The following EGFL6 variants were observed in gnomAD, a reference collection of about 807,000 sequenced individuals.
The protein encoded by EGFL6 is epidermal growth factor-like protein 6.
Under a neutral mutation model 43.1 loss-of-function variants are expected in EGFL6, and 42 were observed. That is an observed-to-expected ratio of 0.98 (90% CI 0.76 to 1.26). EGFL6 has a LOEUF of 1.26. Ranked by LOEUF, EGFL6 falls within the 50% of genes most tolerant of loss-of-function variation. EGFL6 has a pLI of 0.00. For missense variants in EGFL6, 429 were observed against 427.8 expected (o/e 1.00, Z -0.02); for synonymous variants, 164 against 163.2 (o/e 1.01, Z -0.04).
intron 10 of EGFL6, among the ~76,000 whole-genome samples, chrX:13,625,885 CAAAA>C (rs755901799): frequency 3.2e-5 from 1 of 30,904 alleles, no homozygotes; most frequent in Non-Finnish European, 6.2e-5. Context: ...GACCCTGCCT[CAAAA>C]AAAAAAAAAA....
chrX:13,590,484 T>C (rs770948700), intron 2 of EGFL6: 1 of 112,250 alleles, frequency 8.9e-6, no homozygotes, highest in Non-Finnish European at 1.9e-5. Context: ...AGGTAGCATG[T>C]GCCTCATCCT....
chrX:13,594,306 GA>G (rs1428540656), intron 2 of EGFL6, among the ~76,000 whole-genome samples: 1 of 111,604 alleles, frequency 9.0e-6, no homozygotes, highest in Non-Finnish European at 1.9e-5. Context: ...GAATAAAATA[GA>G]AAAACAAATC....
chrX:13,572,929 T>G (rs899749266), intron 1 of EGFL6, among the ~76,000 whole-genome samples: 10 of 112,537 alleles, frequency 8.9e-5, no homozygotes, highest in African/African-American at 2.3e-4. Flanking sequence ...TGGTTTCTTC[T>G]GGAGGCTCCA....
intron 1 of EGFL6, 88 bp downstream of exon 1, chrX:13,570,023 T>G: frequency 1.2e-6 from 1 of 863,190 alleles, no homozygotes; most frequent in Non-Finnish European, 1.7e-6. Context: ...CACCCCCGCG[T>G]GTATGGGTGT....
intron 3 of EGFL6, among the ~76,000 whole-genome samples, chrX:13,597,656 T>C (rs774086692): frequency 1.8e-5 from 2 of 111,226 alleles, no homozygotes; most frequent in African/African-American, 6.5e-5. Flanking sequence ...TGGTGGCGAA[T>C]GCCTGTAATC....
At chrX:13,629,386 C>T in intron 11 of EGFL6, among the ~76,000 whole-genome samples, 1 of 111,355 alleles carries the variant, frequency 9.0e-6, no homozygotes, top group South Asian at 3.8e-4. Flanking sequence ...AACATGGTAG[C>T]TTGCAGGGAG....
chrX:13,627,564 G>A (rs1023159011), intron 11 of EGFL6, among the ~76,000 whole-genome samples: 2 of 111,989 alleles, frequency 1.8e-5, no homozygotes, highest in African/African-American at 6.5e-5. Flanking sequence ...TATACATTCC[G>A]TAGTATGTAA....
intron 7 of EGFL6, among the ~76,000 whole-genome samples, chrX:13,611,632 T>A (rs1366815218): frequency 8.9e-6 from 1 of 112,683 alleles, no homozygotes; most frequent in Non-Finnish European, 1.9e-5. Context: ...GTTTTCTATA[T>A]TGTAACTCAG....
rs35293457 is a variant in EGFL6 at position 13,613,157 on chromosome X, C to CATATATATATATATATAT, written c.779-4568_779-4551dup. Among the ~76,000 whole-genome samples the CATATATATATATATATAT allele has an allele frequency of 4.1e-3, 370 of 89,353 alleles. 5 individuals carry two copies. Among genetic ancestry groups the CATATATATATATATATAT allele is most frequent in the African/African-American group, 0.016 (359 of 21,805 alleles). 77.6% of individuals were successfully genotyped at this position (89,353 alleles called of 115,157 possible). The stretch of plus-strand genomic sequence containing the variant: ...GAGACTTCATCTCCATAAATATATA[C>CATATATATATATATATAT]ATATATATATATATATATATATGTC... On this transcript the variant is annotated intron_variant, in intron 7 of 11. Transcript: ENST00000361306.
chrX:13,611,270 C>T (rs767027997), intron 7 of EGFL6, among the ~76,000 whole-genome samples: 6 of 111,683 alleles, frequency 5.4e-5, no homozygotes, highest in East Asian at 5.6e-4. Context: ...CTTAGTTTAG[C>T]GGGACCATAT....
intron 7 of EGFL6, among the ~76,000 whole-genome samples, chrX:13,612,962 C>T (rs757151180): frequency 9.2e-6 from 1 of 108,606 alleles, no homozygotes; most frequent in East Asian, 2.9e-4. Flanking sequence ...CTGGGCAACA[C>T]GGTAAAACCC....
At chrX:13,626,883 A>G in intron 10 of EGFL6, 128 bp from the exon 11 acceptor site, 1 of 737,889 alleles carries the variant, frequency 1.4e-6, no homozygotes. Context: ...TCCTATGTTC[A>G]AAATGAAAAG....
intron 1 of EGFL6, among the ~76,000 whole-genome samples, chrX:13,576,656 G>T (rs901486091): frequency 2.3e-4 from 26 of 111,551 alleles, no homozygotes; most frequent in Admixed American, 2.3e-3. Context: ...ATGTAATAGG[G>T]GTCCTATTAC....
chrX:13,610,091 G>A (rs753780374), intron 7 of EGFL6, among the ~76,000 whole-genome samples: 1 of 112,096 alleles, frequency 8.9e-6, no homozygotes, highest in African/African-American at 3.2e-5. Context: ...GTGGGCTATT[G>A]TTGAGCACCA....
At chrX:13,620,434 G>A (rs191593944) in intron 9 of EGFL6, among the ~76,000 whole-genome samples, 144 of 109,477 alleles carry the variant, frequency 1.3e-3, no homozygotes, top group African/African-American at 4.4e-3. Context: ...GCATAACCTT[G>A]TGCTAATTGA....
At chrX:13,619,135 T>C in intron 8 of EGFL6, 28 bp from the exon 9 acceptor site, 1 of 1,185,345 alleles carries the variant, frequency 8.4e-7, no homozygotes, top group Non-Finnish European at 1.1e-6. Flanking sequence ...AAGGTTTTTT[T>C]CTTAACTGAC....
intron 7 of EGFL6, among the ~76,000 whole-genome samples, chrX:13,614,653 A>G (rs1323674583): frequency 8.9e-6 from 1 of 111,852 alleles, no homozygotes; most frequent in Admixed American, 9.4e-5. Context: ...GAAATTGTCA[A>G]CTTTACAAAA....
chrX:13,616,945 C>T (rs1300477208), intron 7 of EGFL6, among the ~76,000 whole-genome samples: 1 of 107,599 alleles, frequency 9.3e-6, no homozygotes, highest in Non-Finnish European at 1.9e-5. Flanking sequence ...TCTCGGCTCA[C>T]TGCAAGCTCC....
At position 13,633,285 on chromosome X, in the gene EGFL6, TCTC is replaced by T. The variant is rs1295953148; in HGVS notation, c.*191_*193del. The T allele has an allele frequency of 1.1e-5, 4 of 361,876 alleles. No individual in the cohort carries two copies. The highest frequency in any genetic ancestry group is 1.9e-5 in the Non-Finnish European group (4 of 213,914). The allele number at this position is 361,876 out of a possible 1,213,427, so 29.8% of individuals were successfully genotyped here. ...CTTTAAATATCATATCACTGTATCT[TCTC>T]AGTCATTTCTGAATCTTTCCACATT... On this transcript the variant is annotated 3_prime_UTR_variant, in exon 12 of 12. Coordinates refer to ENST00000361306, the MANE Select transcript of EGFL6 (RefSeq NM_015507.4).
Sources: gnomAD v4.1 joint callset for allele counts (sites outside exome capture counted in the v4.1 genomes callset) on GRCh38, gnomAD v4.1.1 for gene constraint, MANE v1.5 for transcripts, NCBI Gene and HGNC (gene_info 2026-07-23, HGNC 2026-07-21) for gene names.